MYBL2: variants seen among roughly 807,000 people sequenced by gnomAD.
The protein encoded by MYBL2 is myb-related protein B.
MYBL2 carries 28 observed loss-of-function variants against 79.9 expected under a neutral mutation model. The observed-to-expected ratio is 0.35, with a 90% CI of 0.26 to 0.48. The LOEUF (loss-of-function observed/expected upper bound fraction) is 0.48, where lower values mean the gene tolerates loss of function less well. MYBL2 is among the 20% of genes least tolerant of loss of function. MYBL2 has a pLI of 0.99. For missense variants in MYBL2, 735 were observed against 893.9 expected, an observed-to-expected ratio of 0.82 and a Z score of 2.27; for synonymous variants, 378 against 361.2, an observed-to-expected ratio of 1.05 and a Z score of -0.53.
At chr20:43,712,289 C>T (rs952518560) in intron 11 of MYBL2, among the ~76,000 whole-genome samples, 6 of 152,152 alleles carry the variant, frequency 3.9e-5, no homozygotes, top group South Asian at 2.1e-4. Context: ...GAGCTGGGAA[C>T]GGTGGGATGT....
chr20:43,670,979 T>C (rs1016977392), intron 1 of MYBL2, among the ~76,000 whole-genome samples: 16 of 104,764 alleles, frequency 1.5e-4, no homozygotes, highest in South Asian at 6.6e-4. Flanking sequence ...CTTTTTTTTT[T>C]TTTTTTTGAG....
chr20:43,698,080 T>TTTTG (rs149530290), intron 6 of MYBL2, among the ~76,000 whole-genome samples: 5 of 122,522 alleles, frequency 4.1e-5, no homozygotes, highest in African/African-American at 1.5e-4. Context: ...TTTTTTTTTT[T>TTTTG]ATCTTGTTAC....
intron 2 of MYBL2, among the ~76,000 whole-genome samples, chr20:43,681,114 G>T (rs1600546044): frequency 6.6e-6 from 1 of 152,050 alleles, no homozygotes; most frequent in African/African-American, 2.4e-5. Context: ...CGCGTGAATT[G>T]GTAGTTCATT....
At chr20:43,705,073 T>C in intron 8 of MYBL2, 146 bp from the exon 9 acceptor site, 1 of 972,974 alleles carries the variant, frequency 1.0e-6, no homozygotes, top group South Asian at 1.7e-5. Context: ...TGTTCTCGGG[T>C]GTCTGATGGG....
In MYBL2 at chr20:43,687,024, A is replaced by G. The variant is rs757003365; in HGVS notation, c.452A>G (p.Lys151Arg). ...GACCGCATCATCTGCGAGGCCCACA[A>G]GGTGCTGGGCAACCGCTGGGCCGAG... ...EEDRIICEAH[K>R]VLGNRWAEIA... The change falls in exon 5 of 14, where the codon AAG becomes AGG. Residue 151 changes from lysine (K) to arginine (R), a missense_variant. Physicochemically the swap from Lys to Arg is conservative, Grantham distance 26 (BLOSUM62 2). Coordinates refer to ENST00000217026, the MANE Select transcript of MYBL2 (RefSeq NM_002466.4). 1.3e-5 allele frequency: 21 copies of G among 1,613,666 alleles called. No individual in the cohort carries two copies. The South Asian group carries it at 1.8e-4, about 14-fold the overall frequency.
chr20:43,668,069 C>T (rs1436896964), intron 1 of MYBL2, among the ~76,000 whole-genome samples: 1 of 152,126 alleles, frequency 6.6e-6, no homozygotes, highest in Non-Finnish European at 1.5e-5. Context: ...CTCCAGATCC[C>T]TGTCTTACAC....
In MYBL2 at chr20:43,715,219, A is replaced by G. The variant is rs1349080818; in HGVS notation, c.1910A>G (p.Gln637Arg). 5 of 1,614,250 alleles carry G rather than the reference A, an allele frequency of 3.1e-6. No homozygotes were observed. The highest frequency in any genetic ancestry group is 4.2e-6 in the Non-Finnish European group (5 of 1,180,044). Reference protein sequence around the residue: ...DNSLLNQGFLQAKPEKAAVAQ... With the variant: ...DNSLLNQGFLRAKPEKAAVAQ... ...AGCTTGCTCAACCAGGGCTTCTTGC[A>G]GGCCAAGCCCGAGAAGGCAGCAGTG... The change falls in exon 13 of 14, where the codon CAG becomes CGG. Residue 637 changes from glutamine to arginine, a missense_variant. By Grantham distance (43) the Gln-to-Arg change is conservative (BLOSUM62 1). Around this residue, in one of 5 missense-constraint regions of MYBL2, gnomAD observed 204 missense variants for 202.9 expected, o/e 1.01. Coordinates refer to ENST00000217026, the MANE Select transcript of MYBL2 (RefSeq NM_002466.4).
In MYBL2 at chr20:43,701,430, A is replaced by G. The variant is rs184172729; in HGVS notation, c.952-1060A>G. Reference sequence around the variant, plus strand: ...TCGGCTTTAGTGTCTGGGTCCACTCAGAAGCCAGAACCCAAAGACCAAAGT... The same window carrying G: ...TCGGCTTTAGTGTCTGGGTCCACTCGGAAGCCAGAACCCAAAGACCAAAGT... On this transcript the variant is annotated intron_variant, in intron 7 of 13. Coordinates refer to ENST00000217026, the MANE Select transcript of MYBL2 (RefSeq NM_002466.4). 5.6e-3 allele frequency among the ~76,000 whole-genome samples: 847 copies of G among 152,322 alleles called. 21 individuals are homozygous for G. Among genetic ancestry groups the G allele is most frequent in the Admixed American group, 0.04 (606 of 15,300 alleles).
rs747278056 is a variant in MYBL2 at position 43,699,883 on chromosome 20, G to C, written c.790G>C (p.Val264Leu). ...QEPIGTDLDA[V>L]RTPEPLEEFP... ...GCCCATCGGTACAGATCTGGACGCA[G>C]TGCGAACACCAGAGCCCTTGGAGGA... is the stretch of plus-strand genomic sequence containing the variant. The change falls in exon 7 of 14, where the codon GTG (valine) becomes CTG (leucine). Residue 264 changes from valine to leucine, a missense_variant. Transcript: ENST00000217026. 24 of 1,613,958 alleles carry C rather than the reference G, an allele frequency of 1.5e-5. No homozygotes were observed. Among genetic ancestry groups the C allele is most frequent in the Admixed American group, 5.0e-5 (3 of 59,978 alleles).
chr20:43,695,846 A>G (rs1987528156), intron 6 of MYBL2, among the ~76,000 whole-genome samples: 1 of 152,090 alleles, frequency 6.6e-6, no homozygotes, highest in Admixed American at 6.6e-5. Flanking sequence ...CTGTAATCTC[A>G]GCACTTTGGG....
intron 2 of MYBL2, among the ~76,000 whole-genome samples, chr20:43,675,129 G>A (rs953521209): frequency 2.0e-5 from 3 of 151,738 alleles, no homozygotes; most frequent in African/African-American, 4.8e-5. Context: ...ACAGGCATGC[G>A]CCACCACGCC....
chr20:43,702,924 C>A (rs768412429), intron 8 of MYBL2, 21 bp downstream of exon 8: 1 of 1,569,298 alleles, frequency 6.4e-7, no homozygotes, highest in Non-Finnish European at 8.7e-7. Flanking sequence ...CCCACTCTGG[C>A]TGCTTATTGG....
intron 12 of MYBL2, among the ~76,000 whole-genome samples, chr20:43,713,813 GT>G (rs1456677321): frequency 6.6e-6 from 1 of 152,194 alleles, no homozygotes; most frequent in Admixed American, 6.5e-5. Context: ...CAGAAAGGGG[GT>G]TGTTGCCTGT....
intron 2 of MYBL2, among the ~76,000 whole-genome samples, chr20:43,677,321 A>G (rs1202585729): frequency 6.6e-6 from 1 of 152,196 alleles, no homozygotes; most frequent in Admixed American, 6.5e-5. Flanking sequence ...GTTGGTGCTC[A>G]CTGTTGTAGC....
At chr20:43,706,388 G>A (rs1054007504) in intron 9 of MYBL2, among the ~76,000 whole-genome samples, 35 of 152,094 alleles carry the variant, frequency 2.3e-4, no homozygotes, top group African/African-American at 8.4e-4. Context: ...TTTACAATAA[G>A]TTTACTTCCT....
chr20:43,673,717 T>A, intron 1 of MYBL2, 89 bp from the exon 2 acceptor site: 1 of 1,255,338 alleles, frequency 8.0e-7, no homozygotes, highest in Non-Finnish European at 1.2e-6. Flanking sequence ...GACCTTTCCC[T>A]AGGGTGGGCT....
intron 3 of MYBL2, among the ~76,000 whole-genome samples, chr20:43,682,488 A>G (rs1387006881): frequency 1.3e-5 from 2 of 152,210 alleles, no homozygotes; most frequent in African/African-American, 4.8e-5. Flanking sequence ...ATGCTCTCCT[A>G]GAAAAAAGCA....
At chr20:43,713,765 T>C (rs1181473580) in intron 12 of MYBL2, among the ~76,000 whole-genome samples, 1 of 152,102 alleles carries the variant, frequency 6.6e-6, no homozygotes, top group Non-Finnish European at 1.5e-5. Context: ...CCCAGGCCAG[T>C]GGACTTGCTG....
chr20:43,680,554 G>A (rs1346672783), intron 2 of MYBL2, among the ~76,000 whole-genome samples: 1 of 152,004 alleles, frequency 6.6e-6, no homozygotes, highest in Non-Finnish European at 1.5e-5. Context: ...CTGGAGTGCA[G>A]TGGCATGATC....
Sources: gnomAD v4.1 joint callset for allele counts (sites outside exome capture counted in the v4.1 genomes callset) on GRCh38, gnomAD v4.1.1 for gene constraint, gnomAD v4.1.1 regional missense constraint, MANE v1.5 for transcripts, NCBI Gene and HGNC (gene_info 2026-07-23, HGNC 2026-07-21) for gene names.